PCDHA13: variants seen among roughly 807,000 people sequenced by gnomAD.
The protein encoded by PCDHA13 is protocadherin alpha-13.
A neutral mutation model predicts 64.8 loss-of-function variants in PCDHA13; 54 were observed. That is an observed-to-expected ratio of 0.83 (90% CI 0.67 to 1.04). The LOEUF is 1.04. PCDHA13 is among the 50% of genes least tolerant of loss of function. The probability of loss-of-function intolerance (pLI) is 0.00; values close to 1 mark genes in which losing one functional copy is unlikely to be tolerated. For missense variants in PCDHA13, 1,248 were observed against 1,254.3 expected (o/e 0.99, Z 0.08); for synonymous variants, 587 against 564.4 (o/e 1.04, Z -0.57).
intron 3 of PCDHA13, among the ~76,000 whole-genome samples, chr5:140,989,551 C>T (rs964653534): frequency 2.0e-5 from 3 of 152,178 alleles, no homozygotes; most frequent in African/African-American, 4.8e-5. Flanking sequence ...AATTCCTTTA[C>T]GTTTTGTGGC....
chr5:140,939,811 A>G (rs1554212933), intron 1 of PCDHA13, among the ~76,000 whole-genome samples: 1 of 152,224 alleles, frequency 6.6e-6, no homozygotes, highest in African/African-American at 2.4e-5. Context: ...CATGTTCAAG[A>G]AAAAGCAGTA....
At chr5:140,992,188 T>C (rs1193005639) in intron 3 of PCDHA13, among the ~76,000 whole-genome samples, 6 of 152,140 alleles carry the variant, frequency 3.9e-5, no homozygotes, top group African/African-American at 1.4e-4. Flanking sequence ...ATGCTTTCAG[T>C]GATCTATCCA....
At chr5:140,930,962 T>A (rs1193722929) in intron 1 of PCDHA13, among the ~76,000 whole-genome samples, 2 of 152,184 alleles carry the variant, frequency 1.3e-5, no homozygotes, top group African/African-American at 4.8e-5. Flanking sequence ...AAATGTACTG[T>A]TTCAATGATT....
Position 140,883,801 on chromosome 5 carries a change from C to G in PCDHA13, c.1533C>G (p.His511Gln). 5 of 1,612,430 alleles carry G rather than the reference C, an allele frequency of 3.1e-6. No homozygotes were observed. The highest frequency in any genetic ancestry group is 4.2e-6 in the Non-Finnish European group (5 of 1,179,756). The change falls in exon 1 of 4, where the codon CAC becomes CAG. Residue 511 changes from histidine to glutamine, a missense_variant. Physicochemically the swap from His to Gln is conservative, Grantham distance 24. Transcript: ENST00000289272. ...ERALSSYVSV[H>Q]AESGKVYALQ... ...CGCTGTCGAGCTACGTGTCGGTGCA[C>G]GCGGAGAGCGGCAAGGTGTACGCGC...
chr5:141,002,333 G>T (rs782123745), intron 3 of PCDHA13, among the ~76,000 whole-genome samples: 1 of 152,196 alleles, frequency 6.6e-6, no homozygotes, highest in African/African-American at 2.4e-5. Context: ...GGCTGCATCC[G>T]CACCCCTTCC....
intron 3 of PCDHA13, among the ~76,000 whole-genome samples, chr5:140,995,652 C>T (rs1018975214): frequency 2.0e-5 from 3 of 151,828 alleles, no homozygotes; most frequent in East Asian, 1.9e-4. Context: ...AAAGGAGAAT[C>T]GAAAAGGGAA....
chr5:140,979,999 C>G (rs1563478157), intron 2 of PCDHA13, among the ~76,000 whole-genome samples: 1 of 152,172 alleles, frequency 6.6e-6, no homozygotes, highest in African/African-American at 2.4e-5. Context: ...TTAACATACT[C>G]TCAAGCATTA....
At chr5:140,923,362 T>C (rs1294539314) in intron 1 of PCDHA13, among the ~76,000 whole-genome samples, 1 of 152,136 alleles carries the variant, frequency 6.6e-6, no homozygotes, top group East Asian at 1.9e-4. Context: ...CCTATCTTTA[T>C]AAAATATTTT....
chr5:140,993,446 TCTC>T (rs1262965335), intron 3 of PCDHA13, among the ~76,000 whole-genome samples: 4 of 146,376 alleles, frequency 2.7e-5, no homozygotes, highest in Non-Finnish European at 6.0e-5. Flanking sequence ...TCATTCCTGT[TCTC>T]CTTCTTTCTT....
At chr5:140,902,102 G>A (rs1407664200) in intron 1 of PCDHA13, among the ~76,000 whole-genome samples, 1 of 151,098 alleles carries the variant, frequency 6.6e-6, no homozygotes, top group African/African-American at 2.4e-5. Context: ...GGAGTCTTTA[G>A]ATTTTTTTAA....
chr5:140,929,166 C>A (rs782695019), intron 1 of PCDHA13: 1 of 1,614,146 alleles, frequency 6.2e-7, no homozygotes, highest in Admixed American at 1.7e-5. Context: ...TCTATCGGGC[C>A]TCTCTGGGAC....
chr5:140,954,830 T>TG (rs2095095109), intron 1 of PCDHA13, among the ~76,000 whole-genome samples: 1 of 152,220 alleles, frequency 6.6e-6, no homozygotes, highest in Admixed American at 6.5e-5. Flanking sequence ...GGCACTTTTG[T>TG]CATGAAATCT....
At chr5:140,958,133 G>T (rs1472500802) in intron 1 of PCDHA13, among the ~76,000 whole-genome samples, 2 of 152,046 alleles carry the variant, frequency 1.3e-5, no homozygotes, top group East Asian at 3.8e-4. Flanking sequence ...ATGTATCAGT[G>T]TGTATATTTA....
intron 1 of PCDHA13, among the ~76,000 whole-genome samples, chr5:140,939,358 A>C (rs1291026920): frequency 1.3e-5 from 2 of 152,172 alleles, no homozygotes; most frequent in Admixed American, 1.3e-4. Flanking sequence ...TTATGATTGC[A>C]AAGGAGGAGG....
intron 1 of PCDHA13, among the ~76,000 whole-genome samples, chr5:140,907,480 C>A (rs1300090409): frequency 6.6e-6 from 1 of 152,212 alleles, no homozygotes; most frequent in Admixed American, 6.5e-5. Flanking sequence ...GCAGGATAGG[C>A]AAACCCATAT....
Position 140,884,429 on chromosome 5 carries a change from C to G in PCDHA13, c.2161C>G (p.Leu721Val). ...LVLTLLLYTA[L>V]RCSAPPTEGA... Reference sequence around the variant, plus strand: ...GCTCACGTTGCTGCTGTATACTGCGCTGCGGTGCTCGGCACCGCCCACCGA... The same window carrying G: ...GCTCACGTTGCTGCTGTATACTGCGGTGCGGTGCTCGGCACCGCCCACCGA... The change falls in exon 1 of 4, where the codon CTG (leucine) becomes GTG (valine). Residue 721 changes from leucine to valine, a missense_variant. Coordinates refer to ENST00000289272, the MANE Select transcript of PCDHA13 (RefSeq NM_018904.3). The G allele has an allele frequency of 6.2e-7, 1 of 1,613,964 alleles. No individual in the cohort carries two copies.
intron 3 of PCDHA13, among the ~76,000 whole-genome samples, chr5:140,990,715 A>T (rs927680875): frequency 1.3e-5 from 2 of 152,194 alleles, no homozygotes; most frequent in Admixed American, 6.5e-5. Flanking sequence ...GGATAAGAGC[A>T]TCACTAGGTA....
chr5:140,967,104 A>T (rs374744732), intron 1 of PCDHA13: 3 of 1,613,028 alleles, frequency 1.9e-6, no homozygotes, highest in Non-Finnish European at 2.5e-6. Context: ...CTGTGTGAGC[A>T]GCGGCCTCGC....
At chr5:140,926,998 G>C in intron 1 of PCDHA13, 1 of 1,612,288 alleles carries the variant, frequency 6.2e-7, no homozygotes, top group Non-Finnish European at 8.5e-7. Flanking sequence ...GGGCGTAGCC[G>C]TAGGCAATCT....
Sources: gnomAD v4.1 joint callset for allele counts (sites outside exome capture counted in the v4.1 genomes callset) on GRCh38, gnomAD v4.1.1 for gene constraint, MANE v1.5 for transcripts, NCBI Gene and HGNC (gene_info 2026-07-23, HGNC 2026-07-21) for gene names.